WDR5: variants seen among roughly 807,000 people sequenced by gnomAD.
The protein encoded by WDR5 is WD repeat domain 5, also known as WD repeat-containing protein 5.
For missense variants in WDR5, 187 were observed against 416.9 expected (o/e 0.45, Z 4.80); for synonymous variants, 144 against 161.6 (o/e 0.89, Z 0.83).
intron 1 of WDR5, among the ~76,000 whole-genome samples, chr9:134,136,556 C>G (rs1831570095): frequency 1.3e-5 from 2 of 152,162 alleles, no homozygotes; most frequent in South Asian, 2.1e-4. Flanking sequence ...AGGGAAGGAC[C>G]CCAGACCCAC....
chr9:134,158,859 G>GA lies in WDR5; in HGVS notation c.*866_*867insA, dbSNP rs1832869017. ...GGTTCATTGTTCAGTGTTGCTGGGGGCGGGGAACGGGGGTGGGGAGGTTCT... is the reference window on the plus strand; with the variant it reads ...GGTTCATTGTTCAGTGTTGCTGGGGGACGGGGAACGGGGGTGGGGAGGTTCT... On this transcript the variant is annotated 3_prime_UTR_variant, in exon 14 of 14. Coordinates refer to ENST00000358625, the MANE Select transcript of WDR5 (RefSeq NM_017588.3). 1 of 152,096 alleles carries GA rather than the reference G, an allele frequency of 6.6e-6. No individual in the cohort carries two copies. The highest frequency in any genetic ancestry group is 1.5e-5 in the Non-Finnish European group (1 of 68,032). 9.4% of individuals were successfully genotyped at this position (152,096 alleles called of 1,614,324 possible).
Position 134,158,097 on chromosome 9 carries a change from G to A in WDR5, c.*104G>A. On this transcript the variant is annotated 3_prime_UTR_variant, in exon 14 of 14. Transcript: ENST00000358625. ...CCCCCAGATCTGCGCCTGGGGGTCA[G>A]GACAGGGCCTGATTTGAGCCTCCTC... is the stretch of plus-strand genomic sequence containing the variant. 10 of 998,894 alleles carry A rather than the reference G, an allele frequency of 1.0e-5. No homozygotes were observed. The highest frequency in any genetic ancestry group is 1.5e-5 in the Non-Finnish European group (10 of 646,752). 61.9% of individuals were successfully genotyped at this position (998,894 alleles called of 1,614,324 possible).
intron 8 of WDR5, among the ~76,000 whole-genome samples, chr9:134,151,377 C>T (rs72766683): frequency 0.011 from 1,609 of 152,246 alleles, 17 homozygotes; most frequent in Non-Finnish European, 0.016. Context: ...GATTTGTCCA[C>T]GTGTGACCCG....
At chr9:134,151,372 G>A (rs150157037) in intron 8 of WDR5, among the ~76,000 whole-genome samples, 43 of 152,288 alleles carry the variant, frequency 2.8e-4, no homozygotes, top group African/African-American at 8.9e-4. Context: ...GGAATGATTT[G>A]TCCACGTGTG....
At chr9:134,156,450 G>C in intron 12 of WDR5, 56 bp from the exon 13 acceptor site, 5 of 1,539,238 alleles carry the variant, frequency 3.2e-6, no homozygotes, top group Non-Finnish European at 4.5e-6. Flanking sequence ...CCTTTCACAT[G>C]CATGAGCTCT....
At position 134,159,897 on chromosome 9, in the gene WDR5, A is replaced by G. The variant is rs958661323; in HGVS notation, c.*1904A>G. The G allele has an allele frequency of 6.6e-6, 1 of 152,200 alleles. No individual in the cohort carries two copies. Among genetic ancestry groups the G allele is most frequent in the Admixed American group, 6.5e-5 (1 of 15,286 alleles). The allele number at this position is 152,200 out of a possible 1,614,324, so 9.4% of individuals were successfully genotyped here. On this transcript the variant is annotated 3_prime_UTR_variant, in exon 14 of 14. Transcript: ENST00000358625. This position sits in a 1 kb window ranked among gnomAD's most constrained non-coding sequence, Gnocchi z 4.3. Reference sequence around the variant, plus strand: ...TCCCTGAATATAGTTTATTTTTTCTACATTTGAATTCTGTTGTAGATTTAT... The same window carrying G: ...TCCCTGAATATAGTTTATTTTTTCTGCATTTGAATTCTGTTGTAGATTTAT...
At position 134,142,124 on chromosome 9, in the gene WDR5, A is replaced by G. The variant is rs1831923086; in HGVS notation, c.354+86A>G. The G allele has an allele frequency of 3.6e-6, 4 of 1,126,036 alleles. No homozygotes were observed. In the South Asian group the frequency reaches 3.8e-5, roughly 11 times the overall value. 69.8% of individuals were successfully genotyped at this position (1,126,036 alleles called of 1,614,324 possible). A position where few individuals can be genotyped will look rare whatever the true frequency, so the allele number is the denominator to read the frequency against. On this transcript the variant is annotated intron_variant, in intron 5 of 13. Transcript: ENST00000358625. ...GGGGGACTGAGTTGACTGCTCAGTA[A>G]GCAACACTCAGCGCTCCTCTCCAGG...
intron 8 of WDR5, among the ~76,000 whole-genome samples, chr9:134,151,675 G>A (rs1396988846): frequency 6.6e-6 from 1 of 152,200 alleles, no homozygotes; most frequent in Non-Finnish European, 1.5e-5. Flanking sequence ...TGGCCAGGGA[G>A]AGTGGAGAGA....
chr9:134,152,167 C>T (rs369873105), intron 9 of WDR5, 138 bp downstream of exon 9: 12 of 1,014,438 alleles, frequency 1.2e-5, no homozygotes, highest in Admixed American at 7.8e-5. Context: ...CCTCCGTGTC[C>T]GACCGTTCCG....
intron 7 of WDR5, among the ~76,000 whole-genome samples, chr9:134,145,484 C>T (rs560599553): frequency 6.6e-6 from 1 of 152,208 alleles, no homozygotes; most frequent in African/African-American, 2.4e-5. Context: ...TGCCAGTCGC[C>T]TCTCAGTGAG....
chr9:134,150,051 C>T (rs993436839), intron 8 of WDR5, among the ~76,000 whole-genome samples: 2 of 152,182 alleles, frequency 1.3e-5, no homozygotes, highest in Non-Finnish European at 2.9e-5. Context: ...CCCAACGATT[C>T]GAGACCACAG....
chr9:134,149,305 G>A (rs950371775), intron 8 of WDR5, among the ~76,000 whole-genome samples: 1 of 152,222 alleles, frequency 6.6e-6, no homozygotes. Flanking sequence ...CCATCGCCTC[G>A]CAAGGTTCAA....
chr9:134,147,555 T>A (rs1028231051), intron 7 of WDR5, among the ~76,000 whole-genome samples: 1 of 152,098 alleles, frequency 6.6e-6, no homozygotes, highest in African/African-American at 2.4e-5. Flanking sequence ...ATGTCAGTGG[T>A]GCCAAGGCTG....
At chr9:134,149,989 C>T (rs1158335657) in intron 8 of WDR5, among the ~76,000 whole-genome samples, 1 of 152,192 alleles carries the variant, frequency 6.6e-6, no homozygotes, top group Non-Finnish European at 1.5e-5. Context: ...AAGAACATGT[C>T]CCCTGTGACT....
intron 7 of WDR5, among the ~76,000 whole-genome samples, chr9:134,146,910 T>C (rs34856382): frequency 0.077 from 11,719 of 152,260 alleles, 931 homozygotes; most frequent in African/African-American, 0.2. Context: ...AGCACCCTGT[T>C]GGAGCAGAAA....
At chr9:134,155,519 T>C (rs2132586015) in intron 11 of WDR5, 146 bp downstream of exon 11, 1 of 1,312,580 alleles carries the variant, frequency 7.6e-7, no homozygotes. Context: ...CTGAAAGACC[T>C]GGGTATTTGT....
intron 8 of WDR5, among the ~76,000 whole-genome samples, chr9:134,148,745 C>T (rs766727937): frequency 1.3e-5 from 2 of 152,076 alleles, no homozygotes; most frequent in Non-Finnish European, 2.9e-5. Context: ...GTCACCATCC[C>T]GGGCAGGTGA....
chr9:134,140,878 G>T, intron 3 of WDR5, 67 bp downstream of exon 3: 2 of 1,492,094 alleles, frequency 1.3e-6, no homozygotes, highest in East Asian at 2.3e-5. Flanking sequence ...AAGCTGGCGA[G>T]GGGATGGCTT....
chr9:134,158,021 T>A lies in WDR5; in HGVS notation c.*28T>A. On this transcript the variant is annotated 3_prime_UTR_variant, in exon 14 of 14. Transcript: ENST00000358625. ...CCCTTTGCTCCTGCCCGCGAGAGAC[T>A]GTCGGGAAGTTGACCCGGATTGGCA... 6.2e-7 allele frequency: 1 copy of A among 1,606,442 alleles called. No homozygotes were observed. The highest frequency in any genetic ancestry group is 8.5e-7 in the Non-Finnish European group (1 of 1,173,272).
Sources: allele counts gnomAD v4.1 joint callset (sites outside exome capture counted in the v4.1 genomes callset), GRCh38; gene constraint gnomAD v4.1.1; non-coding constraint Gnocchi (gnomAD v3.1); transcripts MANE v1.5; gene names NCBI Gene and HGNC (gene_info 2026-07-23, HGNC 2026-07-21).